KIF18A: variants seen among roughly 807,000 people sequenced by gnomAD.
KIF18A encodes kinesin family member 18A, also known as kinesin-like protein KIF18A.
In KIF18A, 67 loss-of-function variants were observed where a neutral mutation model predicts 103.3. The ratio of observed to expected loss-of-function variants is 0.65; its 90% CI spans 0.53 to 0.79. KIF18A has a LOEUF of 0.79. Among genes scored for constraint, KIF18A ranks in the 30% least tolerant of loss-of-function variants. The pLI, the probability that KIF18A is intolerant of heterozygous loss-of-function variation, is 0.00. For missense variants in KIF18A, 1,032 were observed against 1,062.5 expected (o/e 0.97, Z 0.40); for synonymous variants, 367 against 355.5 (o/e 1.03, Z -0.36).
rs777649400 is a variant in KIF18A at position 28,036,670 on chromosome 11, C to T, written c.1949-6G>A. On this transcript the variant is annotated splice_region_variant and splice_polypyrimidine_tract_variant and intron_variant, in intron 13 of 16. Transcript: ENST00000263181. ...AGTTCCACCTGAAGATGAGCCTATT[C>T]AAAAAAATAAAAAAAGACACTCGAT... The T allele has an allele frequency of 3.1e-5, 47 of 1,517,174 alleles. No homozygotes were observed. The highest frequency in any genetic ancestry group is 2.8e-5 in the African/African-American group (2 of 70,956). The allele number at this position is 1,517,174 out of a possible 1,614,324, so 94.0% of individuals were successfully genotyped here.
chr11:28,080,072 ATAGAG>A (rs1001100045), intron 9 of KIF18A, among the ~76,000 whole-genome samples: 2 of 152,268 alleles, frequency 1.3e-5, no homozygotes, highest in African/African-American at 4.8e-5. Context: ...AAAATGAAGA[ATAGAG>A]TAGATTTACA....
intron 15 of KIF18A, among the ~76,000 whole-genome samples, chr11:28,032,646 T>G (rs1450071954): frequency 6.6e-6 from 1 of 151,932 alleles, no homozygotes; most frequent in Non-Finnish European, 1.5e-5. Flanking sequence ...TAAACAGTGC[T>G]GGAAAACTGT....
intron 10 of KIF18A, among the ~76,000 whole-genome samples, chr11:28,074,201 A>C (rs1169546652): frequency 1.3e-5 from 2 of 152,022 alleles, no homozygotes; most frequent in African/African-American, 2.4e-5. Context: ...AAACATCTTA[A>C]AAATTTGAAA....
At chr11:28,035,552 A>G in intron 14 of KIF18A, 58 bp from the exon 15 acceptor site, 1 of 1,002,438 alleles carries the variant, frequency 1.0e-6, no homozygotes, top group South Asian at 2.2e-5. Context: ...TATGAAGAGA[A>G]AAGGAAGCAA....
At chr11:28,035,131 T>C (rs1850467349) in intron 15 of KIF18A, among the ~76,000 whole-genome samples, 1 of 151,618 alleles carries the variant, frequency 6.6e-6, no homozygotes, top group Non-Finnish European at 1.5e-5. Context: ...TAAGTAGTTT[T>C]TGACAGAAAA....
chr11:28,102,976 C>T (rs991829542), intron 1 of KIF18A, among the ~76,000 whole-genome samples: 4 of 152,108 alleles, frequency 2.6e-5, no homozygotes, highest in East Asian at 1.9e-4. Flanking sequence ...GCCTAAATAT[C>T]GTTATCTGCG....
chr11:28,068,479 CAAAA>C (rs59494887), intron 11 of KIF18A, among the ~76,000 whole-genome samples: 2 of 118,298 alleles, frequency 1.7e-5, no homozygotes, highest in African/African-American at 6.2e-5. Flanking sequence ...AGTAATTATG[CAAAA>C]AAAAAAAAAG....
intron 12 of KIF18A, 102 bp downstream of exon 12, chr11:28,062,293 T>G: frequency 3.0e-6 from 3 of 1,015,138 alleles, no homozygotes; most frequent in Non-Finnish European, 4.2e-6. Flanking sequence ...AAATAATGTA[T>G]CCTGTAACAC....
chr11:28,104,987 A>C (rs1479286713), intron 1 of KIF18A, among the ~76,000 whole-genome samples: 2 of 152,152 alleles, frequency 1.3e-5, no homozygotes, highest in African/African-American at 2.4e-5. Flanking sequence ...GTAATATTTA[A>C]ATTTTAAACA....
At position 28,025,069 on chromosome 11, in the gene KIF18A, GCT is replaced by G. The variant is rs566102047; in HGVS notation, c.2505-1221_2505-1220del. Reference sequence around the variant, plus strand: ...TATAAGGTTATGTGAATGTGGTCTCGCTCTCTATTAAAATATCTTATTGTTCT... The same window carrying G: ...TATAAGGTTATGTGAATGTGGTCTCGCTCTATTAAAATATCTTATTGTTCT... On this transcript the variant is annotated intron_variant, in intron 15 of 16. Transcript: ENST00000263181. 6.6e-4 allele frequency among the ~76,000 whole-genome samples: 100 copies of G among 151,988 alleles called. No homozygotes were observed. The Middle Eastern group carries it at 0.014, about 21-fold the overall frequency.
At chr11:28,057,698 C>T (rs1850799611) in intron 13 of KIF18A, among the ~76,000 whole-genome samples, 1 of 151,806 alleles carries the variant, frequency 6.6e-6, no homozygotes, top group South Asian at 2.1e-4. Context: ...TTTAACCTGG[C>T]AAATCAGCTT....
Position 28,036,257 on chromosome 11 carries a change from G to A in KIF18A, c.2356C>T (p.Gln786Ter). ...IKSSKCKLPE[Q>*]ESLPNDNKDI... Reference sequence around the variant, plus strand: ...TTGTTATCATTTGGTAGTGATTCTTGTTCGGGTAATTTACACTTCGAGCTC... The same window carrying A: ...TTGTTATCATTTGGTAGTGATTCTTATTCGGGTAATTTACACTTCGAGCTC... Residue 786 changes from glutamine to a stop codon, truncating the protein, a stop_gained, in exon 14 of 17, where the codon CAA becomes TAA. Transcript: ENST00000263181. LOFTEE classifies it high-confidence loss of function. 9.3e-6 allele frequency: 15 copies of A among 1,606,602 alleles called. No homozygotes were observed. Among genetic ancestry groups the A allele is most frequent in the Non-Finnish European group, 1.3e-5 (15 of 1,176,160 alleles).
At position 28,036,479 on chromosome 11, in the gene KIF18A, T is replaced by C; in HGVS notation, c.2134A>G (p.Lys712Glu). 2 of 1,611,236 alleles carry C rather than the reference T, an allele frequency of 1.2e-6. No homozygotes were observed. Among genetic ancestry groups the C allele is most frequent in the Non-Finnish European group, 1.7e-6 (2 of 1,178,180 alleles). Residue 712 changes from lysine (K) to glutamate (E), a missense_variant, in exon 14 of 17, where the codon AAA becomes GAA. Coordinates refer to ENST00000263181, the MANE Select transcript of KIF18A (RefSeq NM_031217.4). ...PIVYTPEDCR[K>E]AFQNPSTVTL... ...ACTGTAGACGGATTTTGAAAAGCTTTTCTACAGTCTTCTGGTGTATATACA... is the reference window on the plus strand; with the variant it reads ...ACTGTAGACGGATTTTGAAAAGCTTCTCTACAGTCTTCTGGTGTATATACA...
At chr11:28,083,321 G>A in intron 7 of KIF18A, 78 bp from the exon 8 acceptor site, 2 of 1,409,958 alleles carry the variant, frequency 1.4e-6, no homozygotes, top group Non-Finnish European at 1.9e-6. Flanking sequence ...ACATGACATT[G>A]CATTTTCATT....
rs777999911 is a variant in KIF18A, at chr11:28,062,553, C to CTA, written c.1591-39_1591-38dup. On this transcript the variant is annotated intron_variant, in intron 11 of 16. Coordinates refer to ENST00000263181, the MANE Select transcript of KIF18A (RefSeq NM_031217.4). Reference sequence around the variant, plus strand: ...AATACAAAATGTACTTCAGATCACTCTAAGAATATTGAAATTAAATCAGTT... The same window carrying CTA: ...AATACAAAATGTACTTCAGATCACTCTATAAGAATATTGAAATTAAATCAGTT... 4.6e-6 allele frequency: 7 copies of CTA among 1,510,404 alleles called. No individual in the cohort carries two copies. In the Middle Eastern group the frequency reaches 1.3e-3, roughly 270 times the overall value. 93.6% of individuals were successfully genotyped at this position (1,510,404 alleles called of 1,614,324 possible). A position where few individuals can be genotyped will look rare whatever the true frequency, so the allele number is the denominator to read the frequency against.
chr11:28,068,752 G>A (rs1236538479), intron 11 of KIF18A, among the ~76,000 whole-genome samples: 2 of 152,092 alleles, frequency 1.3e-5, no homozygotes, highest in Non-Finnish European at 2.9e-5. Context: ...ATACTTCCAA[G>A]ACTTATTGTT....
Position 28,094,742 on chromosome 11 carries a change from A to G in KIF18A, c.384T>C (p.Asp128=), listed in dbSNP as rs184337598. ...GKTHTMLGSA[D]EPGVMYLTML... The stretch of plus-strand genomic sequence containing the variant: ...TTGTTAGATACATCACTCCAGGTTC[A>G]TCAGCTGATCCTAGCATAGTGTGGG... The change falls in exon 3 of 17, where the codon GAT becomes GAC. Residue 128 remains aspartate, a synonymous_variant. Transcript: ENST00000263181. 9 of 1,614,012 alleles carry G rather than the reference A, an allele frequency of 5.6e-6. No individual in the cohort carries two copies. Among genetic ancestry groups the G allele is most frequent in the African/African-American group, 1.3e-5 (1 of 75,052 alleles).
intron 12 of KIF18A, among the ~76,000 whole-genome samples, chr11:28,060,890 C>T (rs1007073941): frequency 6.6e-6 from 1 of 152,220 alleles, no homozygotes; most frequent in African/African-American, 2.4e-5. Context: ...TTCACATGTG[C>T]TGCCACAACT....
intron 2 of KIF18A, 31 bp downstream of exon 2, chr11:28,097,592 G>C (rs2133565883): frequency 7.3e-7 from 1 of 1,375,064 alleles, no homozygotes; most frequent in East Asian, 2.3e-5. Flanking sequence ...AAATCGGATA[G>C]AGAAATTAAA....
Sources: allele counts gnomAD v4.1 joint callset (sites outside exome capture counted in the v4.1 genomes callset), GRCh38; gene constraint gnomAD v4.1.1; transcripts MANE v1.5; gene names NCBI Gene and HGNC (gene_info 2026-07-23, HGNC 2026-07-21).